DYSF: variants seen among roughly 807,000 people sequenced by gnomAD.
DYSF encodes the protein dysferlin.
A neutral mutation model predicts 274.9 loss-of-function variants in DYSF; 212 were observed. The ratio of observed to expected loss-of-function variants is 0.77; its 90% CI spans 0.69 to 0.86. The LOEUF (loss-of-function observed/expected upper bound fraction) is 0.86, where lower values mean the gene tolerates loss of function less well. DYSF is among the 40% of genes least tolerant of loss of function. The pLI is 0.00. For synonymous variants in DYSF, 1,091 were observed against 1,078.7 expected (o/e 1.01, Z -0.22); for missense variants, 2,666 against 2,783.2 (o/e 0.96, Z 0.95).
chr2:71,562,577 T>G (rs540850489), intron 23 of DYSF, among the ~76,000 whole-genome samples: 1 of 152,258 alleles, frequency 6.6e-6, no homozygotes, highest in Admixed American at 6.5e-5. Context: ...TTGTCTGGAA[T>G]GAGAAGCGTC....
intron 52 of DYSF, among the ~76,000 whole-genome samples, chr2:71,678,068 A>G (rs758766918): frequency 9.8e-4 from 149 of 152,246 alleles, no homozygotes; most frequent in Admixed American, 5.9e-4. Context: ...ATAATTGCAT[A>G]TACTTAATAA....
rs777543798 is a variant in DYSF at position 71,669,651 on chromosome 2, T to C, written c.5689T>C (p.Tyr1897His). The stretch of plus-strand genomic sequence containing the variant: ...ACACAAGCAAAAGACAGACGTGCAT[T>C]ATCGTTCCCTGGGAGGTGAAGGCAA... ...EEHKQKTDVH[Y>H]RSLGGEGNFN... The change falls in exon 51 of 56, where the codon TAT becomes CAT. Residue 1897 changes from tyrosine to histidine, a missense_variant. This residue lies in a region of DYSF where 1,460 missense variants were observed against 1,502.1 expected (regional missense o/e 0.97). Coordinates refer to ENST00000410020, the MANE Select transcript of DYSF (RefSeq NM_001130987.2). 6.2e-7 allele frequency: 1 copy of C among 1,614,198 alleles called. No homozygotes were observed. The highest frequency in any genetic ancestry group is 1.7e-5 in the Admixed American group (1 of 60,024).
intron 14 of DYSF, among the ~76,000 whole-genome samples, chr2:71,531,406 T>TG (rs2088684663): frequency 1.3e-5 from 2 of 152,090 alleles, no homozygotes; most frequent in South Asian, 4.1e-4. Flanking sequence ...TTCAGGGCTT[T>TG]GAAAAATTTG....
At chr2:71,593,849 C>T (rs926795776) in intron 32 of DYSF, among the ~76,000 whole-genome samples, 1 of 152,164 alleles carries the variant, frequency 6.6e-6, no homozygotes, top group Non-Finnish European at 1.5e-5. Flanking sequence ...TAGGAGGGGC[C>T]CAGAAATCCC....
intron 23 of DYSF, 69 bp from the exon 24 acceptor site, chr2:71,563,989 C>T: frequency 6.2e-7 from 1 of 1,605,662 alleles, no homozygotes; most frequent in Non-Finnish European, 8.5e-7. Flanking sequence ...GAGGTCAGCT[C>T]ACGGTGTGGC....
In DYSF at chr2:71,571,602, C is replaced by A. The variant is rs201949711; in HGVS notation, c.3228+861C>A. Among the ~76,000 whole-genome samples, 452 of 94,300 alleles carry A rather than the reference C, an allele frequency of 4.8e-3. 14 individuals are homozygous for A. In the East Asian group the frequency reaches 0.13, roughly 28 times the overall value. 61.9% of individuals were successfully genotyped at this position (94,300 alleles called of 152,430 possible). On this transcript the variant is annotated intron_variant, in intron 29 of 55. Transcript: ENST00000410020. The stretch of plus-strand genomic sequence containing the variant: ...CACAGATCACACCCAGCACACACAG[C>A]TCACACCCAGCACACACACAGATCA...
Position 71,551,030 on chromosome 2 carries a change from G to A in DYSF, c.1577-11G>A. ...GGGCCGACCCCTCTGATTGCCACTT[G>A]TGTCTCCCAGTGGATGACTACCTGG... On this transcript the variant is annotated splice_polypyrimidine_tract_variant and intron_variant, in intron 17 of 55. Coordinates refer to ENST00000410020, the MANE Select transcript of DYSF (RefSeq NM_001130987.2). The A allele has an allele frequency of 6.2e-7, 1 of 1,613,350 alleles. No individual in the cohort carries two copies. Among genetic ancestry groups the A allele is most frequent in the Non-Finnish European group, 8.5e-7 (1 of 1,179,304 alleles).
At chr2:71,664,670 C>G (rs1346770028) in intron 46 of DYSF, among the ~76,000 whole-genome samples, 4 of 152,316 alleles carry the variant, frequency 2.6e-5, no homozygotes, top group Non-Finnish European at 2.9e-5. Context: ...AACCAAGAAC[C>G]TGGCTCATCA....
chr2:71,647,669 A>T (rs970691921), intron 42 of DYSF, among the ~76,000 whole-genome samples: 3 of 152,258 alleles, frequency 2.0e-5, no homozygotes, highest in African/African-American at 4.8e-5. Flanking sequence ...TACATGCAGA[A>T]TGTTGAAAGA....
chr2:71,670,049 CA>C (rs2095091818), intron 51 of DYSF, among the ~76,000 whole-genome samples: 1 of 152,180 alleles, frequency 6.6e-6, no homozygotes, highest in Non-Finnish European at 1.5e-5. Context: ...CAAATGTCAC[CA>C]CCACTGTTCT....
At chr2:71,528,703 G>A (rs1319520833) in intron 14 of DYSF, among the ~76,000 whole-genome samples, 2 of 152,214 alleles carry the variant, frequency 1.3e-5, no homozygotes, top group Non-Finnish European at 2.9e-5. Flanking sequence ...TGGAGCAATA[G>A]CATGGAAACC....
intron 42 of DYSF, among the ~76,000 whole-genome samples, chr2:71,653,273 C>G (rs1223775890): frequency 6.6e-6 from 1 of 152,120 alleles, no homozygotes; most frequent in African/African-American, 2.4e-5. Flanking sequence ...GGATCTAGAA[C>G]TAGAAATACC....
At chr2:71,488,504 C>G (rs1419669814) in intron 3 of DYSF, among the ~76,000 whole-genome samples, 1 of 152,162 alleles carries the variant, frequency 6.6e-6, no homozygotes, top group Non-Finnish European at 1.5e-5. Flanking sequence ...CCAGATGCAA[C>G]AAGGAAGCAT....
chr2:71,652,666 A>G (rs1360076558), intron 42 of DYSF, among the ~76,000 whole-genome samples: 2 of 152,242 alleles, frequency 1.3e-5, no homozygotes, highest in Non-Finnish European at 2.9e-5. Flanking sequence ...GCCTAACAAA[A>G]ATTCCAAAGA....
chr2:71,571,555 C>T lies in DYSF; in HGVS notation c.3228+814C>T, dbSNP rs111162092. ...GCACACACACATCACACCCAGCACA[C>T]GCACAGATCACACCCACCACACACA... is the stretch of plus-strand genomic sequence containing the variant. On this transcript the variant is annotated intron_variant, in intron 29 of 55. Coordinates refer to ENST00000410020, the MANE Select transcript of DYSF (RefSeq NM_001130987.2). Among the ~76,000 whole-genome samples, 141 of 137,160 alleles carry T rather than the reference C, an allele frequency of 1.0e-3. 1 individual carries two copies. The highest frequency in any genetic ancestry group is 3.7e-3 in the South Asian group (15 of 4,026). The allele number at this position is 137,160 out of a possible 152,430, so 90.0% of individuals were successfully genotyped here.
chr2:71,624,450 G>C (rs1375059157), intron 41 of DYSF, among the ~76,000 whole-genome samples: 1 of 152,144 alleles, frequency 6.6e-6, no homozygotes, highest in Non-Finnish European at 1.5e-5. Context: ...GGTTATACTA[G>C]TCCCTTAAAA....
intron 32 of DYSF, among the ~76,000 whole-genome samples, chr2:71,591,695 G>A (rs1316386573): frequency 6.6e-6 from 1 of 152,256 alleles, no homozygotes; most frequent in Admixed American, 6.5e-5. Context: ...GTAGAACTGA[G>A]TTCCATGGGA....
chr2:71,526,280 A>G lies in DYSF; in HGVS notation c.1210A>G (p.Thr404Ala), dbSNP rs767638011. 4 of 1,614,236 alleles carry G rather than the reference A, an allele frequency of 2.5e-6. No individual in the cohort carries two copies. The Admixed American group carries it at 6.7e-5, about 27-fold the overall frequency. Residue 404 changes from threonine to alanine, a missense_variant, in exon 13 of 56, where the codon ACA becomes GCA. Physicochemically the swap from Thr to Ala is moderately conservative, Grantham distance 58. Coordinates refer to ENST00000410020, the MANE Select transcript of DYSF (RefSeq NM_001130987.2). ...CATTGAAAGCAACCTGCTCCGGCCC[A>G]CAGGCGTAGCCCTGCGAGGAGCCCA... Reference protein sequence around the residue: ...EDIESNLLRPTGVALRGAHFC... With the variant: ...EDIESNLLRPAGVALRGAHFC...
chr2:71,656,106 G>T, intron 42 of DYSF, 56 bp from the exon 43 acceptor site: 5 of 1,607,552 alleles, frequency 3.1e-6, no homozygotes, highest in Non-Finnish European at 4.3e-6. Context: ...TTCCTTTGCT[G>T]TTGTTCTACT....
Sources: gnomAD v4.1 joint callset for allele counts (sites outside exome capture counted in the v4.1 genomes callset) on GRCh38, gnomAD v4.1.1 for gene constraint, gnomAD v4.1.1 regional missense constraint, MANE v1.5 for transcripts, NCBI Gene and HGNC (gene_info 2026-07-23, HGNC 2026-07-21) for gene names.